BST1: variants seen among roughly 807,000 people sequenced by gnomAD.
BST1 encodes the protein ADP-ribosyl cyclase/cyclic ADP-ribose hydrolase 2.
A neutral mutation model predicts 40.6 loss-of-function variants in BST1; 49 were observed. The observed-to-expected ratio is 1.21, with a 90% CI of 0.96 to 1.53. The LOEUF (loss-of-function observed/expected upper bound fraction) is 1.53, where lower values mean the gene tolerates loss of function less well. BST1 is among the 40% of genes most tolerant of loss of function. The probability of loss-of-function intolerance (pLI) is 0.00; values close to 1 mark genes in which losing one functional copy is unlikely to be tolerated. For synonymous variants in BST1, 157 were observed against 159.3 expected (o/e 0.99, Z 0.11); for missense variants, 423 against 395.9 (o/e 1.07, Z -0.58).
At chr4:15,710,572 C>A (rs1720138876) in intron 3 of BST1, among the ~76,000 whole-genome samples, 1 of 152,132 alleles carries the variant, frequency 6.6e-6, no homozygotes, top group Admixed American at 6.5e-5. Context: ...CCAACCTCTT[C>A]CCATCTCCCT....
downstream of BST1, among the ~76,000 whole-genome samples, chr4:15,738,530 A>G (rs1721648561): frequency 6.6e-6 from 1 of 152,208 alleles, no homozygotes. Flanking sequence ...ATTCCTAAAT[A>G]TTGTTTGATT....
chr4:15,761,131 G>A, the BST1 span, among the ~76,000 whole-genome samples: 1 of 151,830 alleles, frequency 6.6e-6, no homozygotes, highest in East Asian at 1.9e-4. Context: ...CTCAACCCCC[G>A]CCTCCCGGGT....
At chr4:15,705,696 A>G in intron 2 of BST1, 55 bp downstream of exon 2, 2 of 1,596,300 alleles carry the variant, frequency 1.3e-6, no homozygotes, top group Admixed American at 3.3e-5. Context: ...ACAGAAATGG[A>G]TGGTGCATGG....
At chr4:15,772,807 C>A in the BST1 span, among the ~76,000 whole-genome samples, 3 of 152,074 alleles carry the variant, frequency 2.0e-5, no homozygotes, top group African/African-American at 7.2e-5. Context: ...TCTGTGAAGT[C>A]CCAGAGGCAG....
intron 2 of BST1, 76 bp from the exon 3 acceptor site, chr4:15,707,435 G>A (rs1335717709): frequency 1.3e-6 from 2 of 1,587,692 alleles, no homozygotes; most frequent in Admixed American, 3.4e-5. Flanking sequence ...TGCCCAACTT[G>A]CCTTGATGAT....
At chr4:15,749,495 C>T in the BST1 span, among the ~76,000 whole-genome samples, 1 of 152,118 alleles carries the variant, frequency 6.6e-6, no homozygotes, top group Admixed American at 6.5e-5. Flanking sequence ...GATCTGCTTT[C>T]ATGGATGAAA....
chr4:15,707,851 CTCTCTA>C (rs1054186693), intron 3 of BST1, among the ~76,000 whole-genome samples: 6 of 110,706 alleles, frequency 5.4e-5, no homozygotes, highest in African/African-American at 1.0e-4. Context: ...CTCTCTCTCT[CTCTCTA>C]TATATATATA....
intron 8 of BST1, 89 bp downstream of exon 8, chr4:15,723,023 C>A: frequency 8.2e-7 from 1 of 1,217,474 alleles, no homozygotes; most frequent in Non-Finnish European, 1.2e-6. Context: ...AACATATTAT[C>A]AGAGGCAGAT....
Position 15,703,116 on chromosome 4 carries a change from C to T in BST1, c.-29C>T, listed in dbSNP as rs1719626817. The stretch of plus-strand genomic sequence containing the variant: ...AAGGAGAGAAGGGGAGTGGAGGAAG[C>T]ACGGGACTGGAGGGACCAAAGTTCC... On this transcript the variant is annotated 5_prime_UTR_variant, in exon 1 of 9. Coordinates refer to ENST00000265016, the MANE Select transcript of BST1 (RefSeq NM_004334.3). 6.4e-7 allele frequency: 1 copy of T among 1,555,056 alleles called. No individual in the cohort carries two copies. Among genetic ancestry groups the T allele is most frequent in the Non-Finnish European group, 8.6e-7 (1 of 1,156,690 alleles).
downstream of BST1, among the ~76,000 whole-genome samples, chr4:15,742,643 A>T (rs1721773037): frequency 1.3e-5 from 2 of 152,370 alleles, no homozygotes; most frequent in East Asian, 1.9e-4. Flanking sequence ...GTGACAGAGG[A>T]TAAGTCCAGG....
At chr4:15,723,770 A>C (rs956302485) in intron 8 of BST1, 2 of 370,352 alleles carry the variant, frequency 5.4e-6, no homozygotes, top group Non-Finnish European at 3.7e-6. Context: ...AGAAATTTTG[A>C]TATGTTTCAA....
intron 6 of BST1, among the ~76,000 whole-genome samples, chr4:15,716,489 T>C (rs1230947601): frequency 6.6e-6 from 1 of 152,152 alleles, no homozygotes; most frequent in Non-Finnish European, 1.5e-5. Context: ...TGGAGGAAGG[T>C]ATTACTAACC....
the BST1 span, among the ~76,000 whole-genome samples, chr4:15,769,007 G>A: frequency 6.6e-6 from 1 of 152,102 alleles, no homozygotes; most frequent in East Asian, 1.9e-4. Context: ...TTACATGATG[G>A]CAGTGTTGTG....
At chr4:15,720,325 C>T (rs2148888811) in intron 7 of BST1, among the ~76,000 whole-genome samples, 1 of 152,092 alleles carries the variant, frequency 6.6e-6, no homozygotes, top group East Asian at 1.9e-4. Context: ...TTTTAAAAAA[C>T]ATTCAATTCT....
chr4:15,737,728 G>A (rs1226989997), downstream of BST1: 7 of 1,212,222 alleles, frequency 5.8e-6, no homozygotes, highest in East Asian at 3.4e-4. Context: ...CCTTACACTT[G>A]GCTGTATTCC....
At chr4:15,714,639 G>T (rs1193774763) in intron 4 of BST1, among the ~76,000 whole-genome samples, 1 of 152,148 alleles carries the variant, frequency 6.6e-6, no homozygotes, top group African/African-American at 2.4e-5. Flanking sequence ...AGGAATTGCT[G>T]CACTATACAT....
intron 8 of BST1, among the ~76,000 whole-genome samples, chr4:15,727,622 T>C (rs1721183560): frequency 6.6e-6 from 1 of 152,220 alleles, no homozygotes; most frequent in African/African-American, 2.4e-5. Flanking sequence ...AAAAATGTTT[T>C]AGAGATGTTA....
At chr4:15,716,220 G>A (rs1214031869) in intron 6 of BST1, among the ~76,000 whole-genome samples, 2 of 152,164 alleles carry the variant, frequency 1.3e-5, no homozygotes, top group African/African-American at 4.8e-5. Flanking sequence ...CTTCAACTGG[G>A]TCTTGAATAA....
At chr4:15,767,602 C>G in the BST1 span, among the ~76,000 whole-genome samples, 2 of 133,488 alleles carry the variant, frequency 1.5e-5, no homozygotes, top group South Asian at 5.0e-4. Context: ...CGTGCCCGGC[C>G]CTACTTTTTT....
Sources: gnomAD v4.1 joint callset for allele counts (sites outside exome capture counted in the v4.1 genomes callset) on GRCh38, gnomAD v4.1.1 for gene constraint, MANE v1.5 for transcripts, NCBI Gene and HGNC (gene_info 2026-07-23, HGNC 2026-07-21) for gene names.